The following ITGA8 variants were observed in gnomAD, a reference collection of about 807,000 sequenced individuals.
ITGA8 encodes the protein integrin subunit alpha 8.
A neutral mutation model predicts 142.3 loss-of-function variants in ITGA8; 91 were observed. The ratio of observed to expected loss-of-function variants is 0.64; its 90% CI spans 0.54 to 0.76. The LOEUF is 0.76. ITGA8 is among the 30% of genes least tolerant of loss of function. The pLI, the probability that ITGA8 is intolerant of heterozygous loss-of-function variation, is 0.00. For missense variants in ITGA8, 1,406 were observed against 1,327.7 expected (o/e 1.06, Z -0.92); for synonymous variants, 505 against 485.2 (o/e 1.04, Z -0.54).
At chr10:15,593,896 C>T (rs965298311) in intron 21 of ITGA8, among the ~76,000 whole-genome samples, 2 of 147,266 alleles carry the variant, frequency 1.4e-5, no homozygotes, top group African/African-American at 5.2e-5. Flanking sequence ...GGTTGAAGTA[C>T]AGTGGCACAA....
intron 13 of ITGA8, among the ~76,000 whole-genome samples, chr10:15,638,369 G>GT (rs1410927549): frequency 6.6e-6 from 1 of 152,166 alleles, no homozygotes; most frequent in Non-Finnish European, 1.5e-5. Flanking sequence ...TTAAGAATAC[G>GT]TAAGAGTGTT....
At chr10:15,667,545 T>A (rs574271948) in intron 8 of ITGA8, among the ~76,000 whole-genome samples, 1 of 152,338 alleles carries the variant, frequency 6.6e-6, no homozygotes, top group Admixed American at 6.5e-5. Flanking sequence ...CTTAGTTATT[T>A]CTTGCCTTCT....
intron 22 of ITGA8, 63 bp from the exon 23 acceptor site, chr10:15,586,727 C>T: frequency 3.2e-6 from 3 of 929,828 alleles, no homozygotes; most frequent in Non-Finnish European, 5.3e-6. Context: ...AATATATGAT[C>T]ATAAAAAACA....
At chr10:15,599,258 A>AC (rs1469838504) in intron 20 of ITGA8, among the ~76,000 whole-genome samples, 3 of 151,936 alleles carry the variant, frequency 2.0e-5, no homozygotes, top group Non-Finnish European at 4.4e-5. Context: ...AGGAACAATG[A>AC]CTTTTTATGG....
At chr10:15,578,363 T>A (rs1444518096) in intron 23 of ITGA8, among the ~76,000 whole-genome samples, 1 of 152,138 alleles carries the variant, frequency 6.6e-6, no homozygotes, top group South Asian at 2.1e-4. Flanking sequence ...TATTGTTGAG[T>A]GATATTCTAT....
intron 13 of ITGA8, among the ~76,000 whole-genome samples, chr10:15,626,547 C>T (rs919361075): frequency 1.3e-5 from 2 of 152,158 alleles, no homozygotes; most frequent in Non-Finnish European, 1.5e-5. Flanking sequence ...CCAATCAAAT[C>T]GCTGCTCCTA....
At chr10:15,528,458 A>T (rs539246457) in intron 28 of ITGA8, among the ~76,000 whole-genome samples, 1 of 152,012 alleles carries the variant, frequency 6.6e-6, no homozygotes, top group South Asian at 2.1e-4. Context: ...TTTTCCCAAT[A>T]ACCTTCACAT....
At chr10:15,545,428 A>G (rs964366453) in intron 27 of ITGA8, among the ~76,000 whole-genome samples, 6 of 152,190 alleles carry the variant, frequency 3.9e-5, no homozygotes, top group African/African-American at 1.4e-4. Flanking sequence ...AGTGCTTTCA[A>G]TATTGCCCTT....
intron 25 of ITGA8, among the ~76,000 whole-genome samples, chr10:15,560,679 C>T (rs552053943): frequency 1.3e-5 from 2 of 151,940 alleles, no homozygotes; most frequent in African/African-American, 2.4e-5. Context: ...TAGAAAGATA[C>T]AAGATATTAG....
intron 24 of ITGA8, among the ~76,000 whole-genome samples, chr10:15,572,799 C>G (rs1222537940): frequency 6.6e-6 from 1 of 152,220 alleles, no homozygotes; most frequent in African/African-American, 2.4e-5. Context: ...GTGATGTACT[C>G]TCTTTCACCC....
chr10:15,637,319 C>T (rs773145790), intron 13 of ITGA8, among the ~76,000 whole-genome samples: 1 of 152,138 alleles, frequency 6.6e-6, no homozygotes, highest in Non-Finnish European at 1.5e-5. Context: ...TAAAAATCCT[C>T]TCCCGCCCTA....
chr10:15,614,006 G>C (rs1373690047), intron 14 of ITGA8, among the ~76,000 whole-genome samples: 1 of 152,160 alleles, frequency 6.6e-6, no homozygotes, highest in African/African-American at 2.4e-5. Context: ...AGTGCTGTGG[G>C]TCTGTCAAGC....
chr10:15,639,367 C>A (rs745375822), intron 13 of ITGA8, among the ~76,000 whole-genome samples: 26 of 152,156 alleles, frequency 1.7e-4, no homozygotes, highest in Admixed American at 1.7e-3. Flanking sequence ...GGTGGTTTTG[C>A]TCAAAGTGGG....
At chr10:15,594,755 C>G (rs556819602) in intron 21 of ITGA8, among the ~76,000 whole-genome samples, 23 of 152,016 alleles carry the variant, frequency 1.5e-4, no homozygotes, top group Non-Finnish European at 3.1e-4. Context: ...GCACTCTAGC[C>G]AGGGCAATAG....
At chr10:15,638,075 A>C (rs1390405672) in intron 13 of ITGA8, among the ~76,000 whole-genome samples, 1 of 152,182 alleles carries the variant, frequency 6.6e-6, no homozygotes, top group South Asian at 2.1e-4. Context: ...CATTACCAAC[A>C]TAACAGACTC....
At chr10:15,658,913 T>C in intron 10 of ITGA8, 86 bp downstream of exon 10, 2 of 930,304 alleles carry the variant, frequency 2.1e-6, no homozygotes, top group Non-Finnish European at 3.4e-6. Flanking sequence ...TAAATATTTG[T>C]CAAATGGATG....
chr10:15,666,694 T>C (rs1324770707), intron 8 of ITGA8, among the ~76,000 whole-genome samples: 5 of 152,234 alleles, frequency 3.3e-5, no homozygotes, highest in Non-Finnish European at 5.9e-5. Flanking sequence ...ATATGTCCCA[T>C]CAATACCTAA....
intron 2 of ITGA8, among the ~76,000 whole-genome samples, chr10:15,691,542 T>G (rs1277174493): frequency 6.6e-6 from 1 of 152,218 alleles, no homozygotes; most frequent in Non-Finnish European, 1.5e-5. Flanking sequence ...ACAACATGGA[T>G]GAACCTGAGG....
At chr10:15,570,649 A>C (rs1332223895) in intron 25 of ITGA8, among the ~76,000 whole-genome samples, 1 of 145,374 alleles carries the variant, frequency 6.9e-6, no homozygotes, top group Non-Finnish European at 1.5e-5. Context: ...ATAAGTGGGG[A>C]GTAGGGAACA....
Sources: allele counts gnomAD v4.1 joint callset (sites outside exome capture counted in the v4.1 genomes callset), GRCh38; gene constraint gnomAD v4.1.1; transcripts MANE v1.5; gene names NCBI Gene and HGNC (gene_info 2026-07-23, HGNC 2026-07-21).